ERBB4: variants seen among roughly 807,000 people sequenced by gnomAD.
ERBB4 encodes the protein receptor tyrosine-protein kinase erbB-4.
ERBB4 carries 42 observed loss-of-function variants against 158.0 expected under a neutral mutation model. The observed-to-expected ratio is 0.27, with a 90% CI of 0.21 to 0.34. The LOEUF (loss-of-function observed/expected upper bound fraction) is 0.34. Among genes scored for constraint, ERBB4 ranks in the 10% least tolerant of loss-of-function variants. ERBB4 has a pLI of 1.00. For synonymous variants in ERBB4, 583 were observed against 558.7 expected, an observed-to-expected ratio of 1.04 and a Z score of -0.61; for missense variants, 1,333 against 1,624.1, an observed-to-expected ratio of 0.82 and a Z score of 3.08.
intron 1 of ERBB4, among the ~76,000 whole-genome samples, chr2:212,448,510 C>T (rs964103368): frequency 6.6e-6 from 1 of 152,058 alleles, no homozygotes; most frequent in Non-Finnish European, 1.5e-5. Flanking sequence ...ATCCTCAGTG[C>T]ATTTATAGCA....
intron 1 of ERBB4, among the ~76,000 whole-genome samples, chr2:212,353,918 T>C (rs765152431): frequency 6.6e-6 from 1 of 152,150 alleles, no homozygotes; most frequent in African/African-American, 2.4e-5. Flanking sequence ...TCCTTTCTTC[T>C]TCTTATACAG....
chr2:211,712,453 C>T (rs1392415790), intron 8 of ERBB4, among the ~76,000 whole-genome samples: 1 of 152,076 alleles, frequency 6.6e-6, no homozygotes, highest in Non-Finnish European at 1.5e-5. Flanking sequence ...ATAACACATA[C>T]ATAAGTCTTA....
intron 1 of ERBB4, among the ~76,000 whole-genome samples, chr2:212,174,066 G>C (rs1167699750): frequency 6.6e-6 from 1 of 152,052 alleles, no homozygotes; most frequent in Non-Finnish European, 1.5e-5. Flanking sequence ...ACAGATTCCT[G>C]CTGCAGCTGA....
At chr2:212,373,233 G>A (rs1184356510) in intron 1 of ERBB4, among the ~76,000 whole-genome samples, 4 of 152,116 alleles carry the variant, frequency 2.6e-5, no homozygotes, top group Non-Finnish European at 4.4e-5. Context: ...AGATTAGGTA[G>A]AGAGTACAAA....
chr2:211,884,408 C>T (rs751448436), intron 3 of ERBB4, among the ~76,000 whole-genome samples: 5 of 152,238 alleles, frequency 3.3e-5, no homozygotes, highest in South Asian at 2.1e-4. Context: ...AAATGTACCA[C>T]GGAAACGGCA....
chr2:211,582,109 A>G (rs1054308699), intron 19 of ERBB4, among the ~76,000 whole-genome samples: 6 of 152,208 alleles, frequency 3.9e-5, no homozygotes, highest in African/African-American at 1.2e-4. Context: ...TTACTCTTTG[A>G]CCATTCTGCT....
chr2:211,927,262 C>G (rs955865524), intron 3 of ERBB4, among the ~76,000 whole-genome samples: 37 of 152,200 alleles, frequency 2.4e-4, no homozygotes, highest in Non-Finnish European at 4.9e-4. Context: ...AAAACATAGT[C>G]TGCATAATTT....
chr2:211,712,600 G>T (rs2073742106), intron 8 of ERBB4, among the ~76,000 whole-genome samples: 1 of 151,962 alleles, frequency 6.6e-6, no homozygotes, highest in Admixed American at 6.6e-5. Context: ...CATACTAATG[G>T]TCTACAACCT....
At chr2:212,013,809 A>G (rs2076447701) in intron 2 of ERBB4, among the ~76,000 whole-genome samples, 1 of 152,210 alleles carries the variant, frequency 6.6e-6, no homozygotes, top group Non-Finnish European at 1.5e-5. Context: ...GGCATGCACC[A>G]TCATGCCCAG....
chr2:211,471,616 T>C (rs1367128511), intron 20 of ERBB4, among the ~76,000 whole-genome samples: 2 of 152,116 alleles, frequency 1.3e-5, no homozygotes, highest in South Asian at 2.1e-4. Context: ...TGGGATTTGA[T>C]GTCAAGTGTG....
intron 19 of ERBB4, among the ~76,000 whole-genome samples, chr2:211,589,974 C>G (rs995324113): frequency 6.6e-6 from 1 of 152,112 alleles, no homozygotes; most frequent in African/African-American, 2.4e-5. Flanking sequence ...TGATCTACAA[C>G]TACAGGAAGT....
chr2:211,525,720 C>T lies in ERBB4; in HGVS notation c.2487+36183G>A, dbSNP rs189131300. Among the ~76,000 whole-genome samples the T allele has an allele frequency of 1.4e-3, 210 of 152,172 alleles. 1 individual carries two copies. Among genetic ancestry groups the T allele is most frequent in the African/African-American group, 4.8e-3 (200 of 41,532 alleles). Reference sequence around the variant, plus strand: ...TGGGCCAAAAGCGAGCCCATTGCCCCGAAGGGTGAGTCTCAGGCCTGGCAG... The same window carrying T: ...TGGGCCAAAAGCGAGCCCATTGCCCTGAAGGGTGAGTCTCAGGCCTGGCAG... On this transcript the variant is annotated intron_variant, in intron 20 of 27. Transcript: ENST00000342788.
intron 2 of ERBB4, among the ~76,000 whole-genome samples, chr2:212,110,323 T>C (rs2125538220): frequency 6.6e-6 from 1 of 152,340 alleles, no homozygotes; most frequent in South Asian, 2.1e-4. Context: ...GTCCCCAGTA[T>C]ATTTATTGCT....
intron 1 of ERBB4, among the ~76,000 whole-genome samples, chr2:212,453,749 A>G (rs1006988203): frequency 6.6e-6 from 1 of 152,216 alleles, no homozygotes; most frequent in African/African-American, 2.4e-5. Context: ...CATTGCTAAA[A>G]GAAATCATGA....
chr2:212,055,723 T>G (rs1175787112), intron 2 of ERBB4, among the ~76,000 whole-genome samples: 1 of 152,254 alleles, frequency 6.6e-6, no homozygotes, highest in Admixed American at 6.5e-5. Context: ...GGGTCCTGAC[T>G]GTTAGAAGGA....
intron 3 of ERBB4, among the ~76,000 whole-genome samples, chr2:211,917,378 GT>G (rs1559096609): frequency 6.6e-6 from 1 of 152,166 alleles, no homozygotes; most frequent in African/African-American, 2.4e-5. Flanking sequence ...TGGGTACAGG[GT>G]GGGGAGAAAT....
intron 1 of ERBB4, among the ~76,000 whole-genome samples, chr2:212,125,932 C>A (rs60076681): frequency 0.1 from 15,342 of 152,144 alleles, 1,622 homozygotes; most frequent in African/African-American, 0.27. Flanking sequence ...TAGGTATATA[C>A]CCAGTAATGG....
chr2:211,706,580 C>A lies in ERBB4; in HGVS notation c.1125-1189G>T, dbSNP rs575450610. Among the ~76,000 whole-genome samples the A allele has an allele frequency of 2.0e-5, 3 of 150,448 alleles. No homozygotes were observed. The South Asian group carries it at 6.3e-4, about 32-fold the overall frequency. On this transcript the variant is annotated intron_variant, in intron 9 of 27. Coordinates refer to ENST00000342788, the MANE Select transcript of ERBB4 (RefSeq NM_005235.3). ...TCAGCATATTCTTCTCTACTGGAAA[C>A]CATTCCACATCTTAAAAAAACAAAA...
chr2:212,423,374 G>A (rs1240546070), intron 1 of ERBB4, among the ~76,000 whole-genome samples: 1 of 152,158 alleles, frequency 6.6e-6, no homozygotes, highest in African/African-American at 2.4e-5. Context: ...GAAAAAAGAG[G>A]TGTCACCTTT....
Sources: gnomAD v4.1 joint callset for allele counts (sites outside exome capture counted in the v4.1 genomes callset) on GRCh38, gnomAD v4.1.1 for gene constraint, MANE v1.5 for transcripts, NCBI Gene and HGNC (gene_info 2026-07-23, HGNC 2026-07-21) for gene names.